Variants in TGS1 observed in about 807,000 individuals in gnomAD.
TGS1 encodes trimethylguanosine synthase 1, also known as trimethylguanosine synthase.
A neutral mutation model predicts 92.2 loss-of-function variants in TGS1; 69 were observed. That is an observed-to-expected ratio of 0.75 (90% CI 0.62 to 0.91). The LOEUF is 0.91. Among genes scored for constraint, TGS1 ranks in the 40% least tolerant of loss-of-function variants. The pLI, the probability that TGS1 is intolerant of heterozygous loss-of-function variation, is 0.00. For missense variants in TGS1, 1,062 were observed against 1,001.2 expected (o/e 1.06, Z -0.82); for synonymous variants, 345 against 338.1 (o/e 1.02, Z -0.22).
chr8:55,801,242 G>A (rs899492384), intron 8 of TGS1, among the ~76,000 whole-genome samples: 1 of 152,178 alleles, frequency 6.6e-6, no homozygotes, highest in Non-Finnish European at 1.5e-5. Flanking sequence ...TGTGAATTAA[G>A]TTAGTAAAAC....
chr8:55,778,892 GATGACTTAGGC>G (rs1212765884), intron 1 of TGS1, among the ~76,000 whole-genome samples: 1 of 152,224 alleles, frequency 6.6e-6, no homozygotes, highest in Non-Finnish European at 1.5e-5. Flanking sequence ...GCAATAGAAA[GATGACTTAGGC>G]ATCATAGTGA....
chr8:55,801,777 T>C (rs1001075681), intron 8 of TGS1, among the ~76,000 whole-genome samples: 15 of 151,732 alleles, frequency 9.9e-5, no homozygotes, highest in Admixed American at 8.5e-4. Context: ...TTAGTAGAGA[T>C]GGGATTTCAC....
intron 10 of TGS1, among the ~76,000 whole-genome samples, chr8:55,808,666 G>A (rs1047418292): frequency 5.6e-4 from 85 of 151,872 alleles, no homozygotes; most frequent in African/African-American, 2.0e-3. Context: ...CTGCCACCAC[G>A]CCCAGCTAAT....
At chr8:55,796,539 T>C (rs916093471) in intron 7 of TGS1, among the ~76,000 whole-genome samples, 2 of 150,200 alleles carry the variant, frequency 1.3e-5, no homozygotes. Flanking sequence ...AAATACAAAA[T>C]TAGCTGAGCA....
intron 10 of TGS1, among the ~76,000 whole-genome samples, chr8:55,808,490 GTTCT>G (rs999121618): frequency 2.7e-5 from 4 of 147,678 alleles, no homozygotes; most frequent in East Asian, 2.0e-4. Context: ...TAGATATATA[GTTCT>G]TTCTTTTTCT....
rs749884409 is a variant in TGS1 at position 55,798,998 on chromosome 8, G to A, written c.1627G>A (p.Ala543Thr). ...ATCTTCTCATGACAATGTGCACGAC[G>A]CTTCCACAAGTAGTGATTCAGAGGA... Reference protein sequence around the residue: ...ESSSHDNVHDASTSSDSEEQD... With the variant: ...ESSSHDNVHDTSTSSDSEEQD... The change falls in exon 8 of 13, where the codon GCT becomes ACT. Residue 543 changes from alanine (A) to threonine (T), a missense_variant. Coordinates refer to ENST00000260129, the MANE Select transcript of TGS1 (RefSeq NM_024831.8). 1.1e-5 allele frequency: 18 copies of A among 1,613,978 alleles called. No homozygotes were observed. The East Asian group carries it at 1.6e-4, about 14-fold the overall frequency.
chr8:55,792,846 A>G, intron 6 of TGS1, 62 bp downstream of exon 6: 1 of 1,001,036 alleles, frequency 1.0e-6, no homozygotes, highest in Admixed American at 1.9e-5. Context: ...ATCTTAGAGC[A>G]CTCTGATACT....
In TGS1 at chr8:55,799,121, A is replaced by G; in HGVS notation, c.1750A>G (p.Thr584Ala). The change falls in exon 8 of 13, where the codon ACA (threonine) becomes GCA (alanine). Residue 584 changes from threonine to alanine, a missense_variant. Thr to Ala is a moderately conservative substitution (Grantham distance 58, BLOSUM62 0). Coordinates refer to ENST00000260129, the MANE Select transcript of TGS1 (RefSeq NM_024831.8). The part of the protein sequence containing the change: ...QSVSSAGELE[T>A]ENYERDSLLA... ...CGTATCTTCAGCTGGTGAACTTGAA[A>G]CAGAAAACTATGAAAGAGACAGCTT... The G allele has an allele frequency of 6.2e-7, 1 of 1,614,186 alleles. No individual in the cohort carries two copies. Among genetic ancestry groups the G allele is most frequent in the African/African-American group, 1.3e-5 (1 of 75,050 alleles).
chr8:55,789,363 A>G (rs958740470), intron 4 of TGS1, among the ~76,000 whole-genome samples: 1 of 152,204 alleles, frequency 6.6e-6, no homozygotes, highest in African/African-American at 2.4e-5. Flanking sequence ...TTACTTTCAT[A>G]CTATATTAAA....
intron 6 of TGS1, among the ~76,000 whole-genome samples, chr8:55,795,523 AT>A (rs1187043857): frequency 1.3e-5 from 2 of 152,188 alleles, no homozygotes; most frequent in African/African-American, 2.4e-5. Context: ...TTCTCTAATT[AT>A]TTTGATACGA....
intron 5 of TGS1, among the ~76,000 whole-genome samples, chr8:55,790,814 C>T (rs1170902273): frequency 6.6e-6 from 1 of 152,150 alleles, no homozygotes; most frequent in African/African-American, 2.4e-5. Flanking sequence ...CCACCACACC[C>T]GGCCTAAGTA....
intron 7 of TGS1, among the ~76,000 whole-genome samples, chr8:55,798,364 T>C (rs1240710099): frequency 6.6e-6 from 1 of 152,188 alleles, no homozygotes; most frequent in Non-Finnish European, 1.5e-5. Context: ...CTGGGACATA[T>C]CTTACTGGCT....
chr8:55,786,557 G>C lies in TGS1; in HGVS notation c.659G>C (p.Gly220Ala). The change falls in exon 4 of 13, where the codon GGT (glycine) becomes GCT (alanine). Residue 220 changes from glycine to alanine, a missense_variant. By Grantham distance (60) the Gly-to-Ala change is moderately conservative. Transcript: ENST00000260129. ...LWQSWQEKHP[G>A]QALSSEPWNF... is the part of the protein sequence containing the mutation. ...CAAAGTTGGCAAGAAAAACATCCGG[G>C]TCAAGCACTATCTTCTGAACCTTGG... The C allele has an allele frequency of 6.2e-7, 1 of 1,614,160 alleles. No individual in the cohort carries two copies. The highest frequency in any genetic ancestry group is 1.1e-5 in the South Asian group (1 of 91,082).
intron 10 of TGS1, among the ~76,000 whole-genome samples, chr8:55,807,010 A>C (rs1224967911): frequency 6.7e-6 from 1 of 150,126 alleles, no homozygotes; most frequent in Admixed American, 6.7e-5. Context: ...CTCACTGCAA[A>C]CTCCGCCTCC....
At chr8:55,793,370 T>C (rs1341963826) in intron 6 of TGS1, among the ~76,000 whole-genome samples, 1 of 152,160 alleles carries the variant, frequency 6.6e-6, no homozygotes, top group African/African-American at 2.4e-5. Context: ...TGCATGCTTG[T>C]GTTTCCAGCT....
chr8:55,809,993 C>T (rs956367167), intron 10 of TGS1, among the ~76,000 whole-genome samples: 4 of 152,146 alleles, frequency 2.6e-5, no homozygotes, highest in Non-Finnish European at 4.4e-5. Context: ...GGAAAAACAC[C>T]ATTATAAATG....
rs1419982765 is a variant in TGS1, at chr8:55,786,337, G to A, written c.439G>A (p.Glu147Lys). The change falls in exon 4 of 13, where the codon GAA (glutamate) becomes AAA (lysine). Residue 147 changes from glutamate (E) to lysine (K), a missense_variant. Transcript: ENST00000260129. ...GCAAGAATCTTGGAGAAAAGAATATGAAGAAGACGACATTTTGGCTTCAGA... is the reference window on the plus strand; with the variant it reads ...GCAAGAATCTTGGAGAAAAGAATATAAAGAAGACGACATTTTGGCTTCAGA... ...IVQESWRKEY[E>K]EDDILASDDP... 2.5e-6 allele frequency: 4 copies of A among 1,608,736 alleles called. No individual in the cohort carries two copies. The highest frequency in any genetic ancestry group is 1.3e-5 in the African/African-American group (1 of 74,856).
At chr8:55,820,953 G>C (rs915491613) in intron 12 of TGS1, among the ~76,000 whole-genome samples, 1 of 152,166 alleles carries the variant, frequency 6.6e-6, no homozygotes, top group African/African-American at 2.4e-5. Flanking sequence ...AATAAGGACA[G>C]CTAGAAATTA....
At chr8:55,804,037 A>G (rs1812293577) in intron 9 of TGS1, among the ~76,000 whole-genome samples, 1 of 152,186 alleles carries the variant, frequency 6.6e-6, no homozygotes, top group African/African-American at 2.4e-5. Flanking sequence ...TCTAGAGTGG[A>G]CACAGGACCT....
Sources: gnomAD v4.1 joint callset for allele counts (sites outside exome capture counted in the v4.1 genomes callset) on GRCh38, gnomAD v4.1.1 for gene constraint, MANE v1.5 for transcripts, NCBI Gene and HGNC (gene_info 2026-07-23, HGNC 2026-07-21) for gene names.